Variants in KCNH8 observed in about 807,000 individuals in gnomAD.
KCNH8 encodes potassium voltage-gated channel subfamily H member 8.
KCNH8 carries 70 observed loss-of-function variants against 103.6 expected under a neutral mutation model. That is an observed-to-expected ratio of 0.68 (90% CI 0.56 to 0.82). KCNH8 has a LOEUF of 0.82. Among genes scored for constraint, KCNH8 ranks in the 40% least tolerant of loss-of-function variants. The pLI, the probability that KCNH8 is intolerant of heterozygous loss-of-function variation, is 0.00. For missense variants in KCNH8, 1,217 were observed against 1,329.9 expected (o/e 0.92, Z 1.32); for synonymous variants, 498 against 489.4 (o/e 1.02, Z -0.23).
At chr3:19,478,208 A>G (rs573291647) in intron 11 of KCNH8, among the ~76,000 whole-genome samples, 148 of 151,608 alleles carry the variant, frequency 9.8e-4, no homozygotes, top group Admixed American at 2.2e-3. Flanking sequence ...GATTGATTCC[A>G]TATCTTTGCT....
Position 19,349,749 on chromosome 3 carries a change from A to C in KCNH8, c.811+1784A>C, listed in dbSNP as rs190872606. ...TTAAAAGTTTTTGTTTATTTGTTTT[A>C]AGGCTGCTTTTCTCTACTAAACCAA... is the stretch of plus-strand genomic sequence containing the variant. On this transcript the variant is annotated intron_variant, in intron 5 of 15. Coordinates refer to ENST00000328405, the MANE Select transcript of KCNH8 (RefSeq NM_144633.3). Among the ~76,000 whole-genome samples, 6 of 152,094 alleles carry C rather than the reference A, an allele frequency of 3.9e-5. No individual in the cohort carries two copies. In the East Asian group the frequency reaches 9.7e-4, roughly 25 times the overall value.
chr3:19,201,410 A>T (rs1303154773), intron 1 of KCNH8, among the ~76,000 whole-genome samples: 4 of 152,126 alleles, frequency 2.6e-5, no homozygotes, highest in African/African-American at 9.6e-5. Flanking sequence ...TAAAAGGTCA[A>T]TTATGTGCCA....
intron 3 of KCNH8, among the ~76,000 whole-genome samples, chr3:19,305,505 G>A (rs1331738754): frequency 6.6e-6 from 1 of 152,140 alleles, no homozygotes; most frequent in Non-Finnish European, 1.5e-5. Flanking sequence ...AGGTTCATCA[G>A]CCATCCTGCC....
intron 7 of KCNH8, among the ~76,000 whole-genome samples, chr3:19,410,652 A>G (rs2066761955): frequency 6.6e-6 from 1 of 152,038 alleles, no homozygotes; most frequent in Non-Finnish European, 1.5e-5. Flanking sequence ...CAAGATTATC[A>G]AAGAAAAAAA....
chr3:19,503,583 GA>G (rs2125235797), intron 11 of KCNH8, among the ~76,000 whole-genome samples: 1 of 152,062 alleles, frequency 6.6e-6, no homozygotes, highest in Non-Finnish European at 1.5e-5. Flanking sequence ...ATACACCATG[GA>G]ATACTATGCA....
chr3:19,326,777 A>T (rs2065430095), intron 3 of KCNH8, among the ~76,000 whole-genome samples: 1 of 152,160 alleles, frequency 6.6e-6, no homozygotes, highest in East Asian at 1.9e-4. Flanking sequence ...CTGCATAGCA[A>T]ATTTCCCCAA....
chr3:19,512,192 T>C (rs2068794474), intron 12 of KCNH8, among the ~76,000 whole-genome samples: 1 of 152,204 alleles, frequency 6.6e-6, no homozygotes, highest in Non-Finnish European at 1.5e-5. Flanking sequence ...TAGTTAGCCT[T>C]TGCTGCGTTC....
chr3:19,341,821 A>T (rs2065662830), intron 3 of KCNH8, among the ~76,000 whole-genome samples: 1 of 152,128 alleles, frequency 6.6e-6, no homozygotes, highest in South Asian at 2.1e-4. Flanking sequence ...GTGGTGAAGC[A>T]GGCACATCTA....
chr3:19,272,864 T>C (rs1401880840), intron 2 of KCNH8, among the ~76,000 whole-genome samples: 1 of 152,216 alleles, frequency 6.6e-6, no homozygotes, highest in Non-Finnish European at 1.5e-5. Flanking sequence ...ATTGCATTTA[T>C]AATTTATTGT....
intron 5 of KCNH8, among the ~76,000 whole-genome samples, chr3:19,366,200 T>G (rs2066008900): frequency 6.6e-6 from 1 of 152,056 alleles, no homozygotes; most frequent in Non-Finnish European, 1.5e-5. Context: ...TCGCTTAATT[T>G]GATGGAGTAA....
At chr3:19,329,490 T>G (rs2065474242) in intron 3 of KCNH8, among the ~76,000 whole-genome samples, 1 of 149,416 alleles carries the variant, frequency 6.7e-6, no homozygotes, top group Non-Finnish European at 1.5e-5. Context: ...TGACCACATT[T>G]GATATTTTAG....
chr3:19,175,315 G>A (rs1218353747), intron 1 of KCNH8, among the ~76,000 whole-genome samples: 1 of 149,964 alleles, frequency 6.7e-6, no homozygotes, highest in East Asian at 2.0e-4. Context: ...TCCGCCTCCC[G>A]GGTTCACGCC....
At chr3:19,381,567 T>A (rs1163015690) in intron 5 of KCNH8, among the ~76,000 whole-genome samples, 1 of 152,136 alleles carries the variant, frequency 6.6e-6, no homozygotes, top group East Asian at 1.9e-4. Flanking sequence ...GGGGAGATTT[T>A]CCTTAGACAA....
intron 2 of KCNH8, among the ~76,000 whole-genome samples, chr3:19,279,923 C>T (rs1473748401): frequency 6.6e-5 from 10 of 151,984 alleles, no homozygotes; most frequent in East Asian, 1.9e-4. Flanking sequence ...TTGTCTTATA[C>T]CCTGACTTTG....
chr3:19,283,842 C>G (rs1306665311), intron 3 of KCNH8, among the ~76,000 whole-genome samples: 1 of 150,506 alleles, frequency 6.6e-6, no homozygotes, highest in Non-Finnish European at 1.5e-5. Context: ...ATTTGGGAGG[C>G]TGAGGTGAGA....
At chr3:19,189,651 C>T (rs2125208557) in intron 1 of KCNH8, among the ~76,000 whole-genome samples, 1 of 152,004 alleles carries the variant, frequency 6.6e-6, no homozygotes, top group Non-Finnish European at 1.5e-5. Context: ...CCAAATCTGA[C>T]CTATAATCAC....
intron 3 of KCNH8, among the ~76,000 whole-genome samples, chr3:19,320,420 A>T (rs575478109): frequency 6.6e-6 from 1 of 151,856 alleles, no homozygotes; most frequent in African/African-American, 2.4e-5. Context: ...AGATGATCAT[A>T]TGATTTTTGT....
intron 1 of KCNH8, among the ~76,000 whole-genome samples, chr3:19,219,379 C>T (rs958631248): frequency 6.6e-6 from 1 of 151,978 alleles, no homozygotes; most frequent in Admixed American, 6.5e-5. Context: ...TATTGTTTGT[C>T]TTCTGACCCT....
intron 1 of KCNH8, among the ~76,000 whole-genome samples, chr3:19,205,171 A>G (rs111626736): frequency 0.02 from 3,015 of 152,092 alleles, 96 homozygotes; most frequent in African/African-American, 0.067. Flanking sequence ...TCACTCTTTC[A>G]TATATCTAAC....
Sources: allele counts gnomAD v4.1 joint callset (sites outside exome capture counted in the v4.1 genomes callset), GRCh38; gene constraint gnomAD v4.1.1; transcripts MANE v1.5; gene names NCBI Gene and HGNC (gene_info 2026-07-23, HGNC 2026-07-21).